Variants in ADGRL2 observed in about 807,000 individuals in gnomAD.
The protein encoded by ADGRL2 is adhesion G protein-coupled receptor L2.
Under a neutral mutation model 157.4 loss-of-function variants are expected in ADGRL2, and 44 were observed. That is an observed-to-expected ratio of 0.28 (90% CI 0.22 to 0.36). The LOEUF (loss-of-function observed/expected upper bound fraction) is 0.36, where lower values mean the gene tolerates loss of function less well. Ranked by LOEUF, ADGRL2 falls within the 10% of genes least tolerant of loss-of-function variation. The pLI, the probability that ADGRL2 is intolerant of heterozygous loss-of-function variation, is 1.00. For synonymous variants in ADGRL2, 585 were observed against 624.7 expected (o/e 0.94, Z 0.95); for missense variants, 1,510 against 1,768.9 (o/e 0.85, Z 2.63).
At chr1:81,481,569 G>T (rs1157246108) in intron 2 of ADGRL2, among the ~76,000 whole-genome samples, 3 of 152,170 alleles carry the variant, frequency 2.0e-5, no homozygotes, top group African/African-American at 7.2e-5. Context: ...AAGACCAAAA[G>T]TCGTGTTTCG....
chr1:81,353,064 A>G (rs893580380), intron 1 of ADGRL2, among the ~76,000 whole-genome samples: 2 of 152,192 alleles, frequency 1.3e-5, no homozygotes, highest in Non-Finnish European at 2.9e-5. Context: ...AGTGGGCAAT[A>G]TTCTGCATAT....
chr1:81,344,092 C>T (rs914763305), intron 1 of ADGRL2, among the ~76,000 whole-genome samples: 7 of 152,236 alleles, frequency 4.6e-5, no homozygotes, highest in African/African-American at 1.7e-4. Context: ...CTTTTTGAGA[C>T]AGAGTCTCCC....
At chr1:81,958,328 T>G (rs1278455329) in intron 11 of ADGRL2, among the ~76,000 whole-genome samples, 2 of 148,186 alleles carry the variant, frequency 1.3e-5, no homozygotes, top group African/African-American at 4.9e-5. Flanking sequence ...ATAAACAATT[T>G]TGGGGGTGGG....
intron 1 of ADGRL2, among the ~76,000 whole-genome samples, chr1:81,366,934 T>C (rs2076076969): frequency 6.6e-6 from 1 of 152,188 alleles, no homozygotes; most frequent in Non-Finnish European, 1.5e-5. Flanking sequence ...ATTCTCTTTT[T>C]ATGCTACATA....
chr1:81,572,849 T>A (rs555134450), intron 2 of ADGRL2, among the ~76,000 whole-genome samples: 1 of 151,706 alleles, frequency 6.6e-6, no homozygotes, highest in South Asian at 2.1e-4. Flanking sequence ...GCAAATATGA[T>A]TTGCAGTGTT....
intron 17 of ADGRL2, among the ~76,000 whole-genome samples, chr1:81,977,580 CTT>C (rs1171482254): frequency 6.6e-6 from 1 of 151,758 alleles, no homozygotes. Flanking sequence ...TTCTACTCCT[CTT>C]CTTTTTGCAA....
intron 8 of ADGRL2, among the ~76,000 whole-genome samples, 193 bp downstream of exon 8, chr1:81,951,314 T>C (rs1651730165): frequency 6.6e-6 from 1 of 152,192 alleles, no homozygotes; most frequent in African/African-American, 2.4e-5. Flanking sequence ...TCCTGTTCTC[T>C]ATGTTAAGCT....
At chr1:81,814,441 A>AAT (rs1368658144) in intron 1 of ADGRL2, among the ~76,000 whole-genome samples, 11 of 151,496 alleles carry the variant, frequency 7.3e-5, no homozygotes, top group African/African-American at 2.6e-4. Flanking sequence ...ATGGGAGTCA[A>AAT]ATATTTGAAC....
chr1:81,522,435 A>G lies in ADGRL2; in HGVS notation c.-247-58441A>G, dbSNP rs1005959376. The stretch of plus-strand genomic sequence containing the variant: ...AGGATTACTACATTACTAGAGGAAC[A>G]TTATAAATATAACATGTCAGTTCAA... On this transcript the variant is annotated intron_variant, in intron 2 of 24. Transcript: ENST00000370721. 4.6e-5 allele frequency among the ~76,000 whole-genome samples: 7 copies of G among 152,242 alleles called. No individual in the cohort carries two copies. In the East Asian group the frequency reaches 5.8e-4, roughly 13 times the overall value.
At chr1:81,707,414 G>A (rs567720) in intron 1 of ADGRL2, among the ~76,000 whole-genome samples, 50,531 of 151,916 alleles carry the variant, frequency 0.33, 8,409 homozygotes, top group Admixed American at 0.4. Context: ...CTTGTTTTGT[G>A]TGGCCTGCCC....
chr1:81,613,966 T>C (rs2081593173), intron 3 of ADGRL2, among the ~76,000 whole-genome samples: 1 of 152,202 alleles, frequency 6.6e-6, no homozygotes, highest in South Asian at 2.1e-4. Flanking sequence ...GTCAATTTAG[T>C]ATAATCTGTG....
rs1008742652 is a variant in ADGRL2 at position 81,993,782 on chromosome 1, A to T, written c.*2637A>T. ...TTGGGTCTGCCTAGACTTCACCTGA[A>T]TGTACAGTTTTCACATTCTTGATTG... On this transcript the variant is annotated 3_prime_UTR_variant, in exon 24 of 24. Transcript: ENST00000686636. 7.2e-5 allele frequency among the ~76,000 whole-genome samples: 11 copies of T among 152,158 alleles called. No homozygotes were observed. Among genetic ancestry groups the T allele is most frequent in the Admixed American group, 6.5e-5 (1 of 15,278 alleles).
intron 2 of ADGRL2, among the ~76,000 whole-genome samples, chr1:81,568,652 A>G (rs747351919): frequency 1.3e-5 from 2 of 152,182 alleles, no homozygotes; most frequent in Non-Finnish European, 2.9e-5. Flanking sequence ...GTTTTGTTCA[A>G]TAATCCCTTG....
At chr1:81,838,240 C>T (rs1436260203) in intron 2 of ADGRL2, among the ~76,000 whole-genome samples, 2 of 151,914 alleles carry the variant, frequency 1.3e-5, no homozygotes, top group African/African-American at 2.4e-5. Flanking sequence ...CTTGTCCCTC[C>T]AGTCCCCTAC....
intron 3 of ADGRL2, among the ~76,000 whole-genome samples, chr1:81,910,736 TA>T (rs141374980): frequency 2.5e-4 from 37 of 148,814 alleles, no homozygotes; most frequent in South Asian, 1.9e-3. Context: ...TGTCCTTTTT[TA>T]AAAAAAAAAC....
chr1:81,839,753 A>G (rs1016019958), intron 2 of ADGRL2, among the ~76,000 whole-genome samples: 4 of 147,848 alleles, frequency 2.7e-5, no homozygotes, highest in African/African-American at 9.9e-5. Context: ...ATATATATAT[A>G]TGTATTTTTT....
chr1:81,571,439 A>T (rs1336154638), intron 2 of ADGRL2, among the ~76,000 whole-genome samples: 1 of 148,598 alleles, frequency 6.7e-6, no homozygotes, highest in Non-Finnish European at 1.5e-5. Flanking sequence ...GTGTGTGTAT[A>T]TATATACACA....
At chr1:81,937,783 A>G (rs888579943) in intron 4 of ADGRL2, among the ~76,000 whole-genome samples, 8 of 151,844 alleles carry the variant, frequency 5.3e-5, no homozygotes, top group African/African-American at 1.4e-4. Context: ...AGGATTTGCC[A>G]AATAATGAAA....
intron 1 of ADGRL2, among the ~76,000 whole-genome samples, chr1:81,365,707 A>G (rs1234074247): frequency 1.3e-5 from 2 of 152,172 alleles, no homozygotes; most frequent in African/African-American, 2.4e-5. Context: ...GATGGAAACT[A>G]TATTTTACTG....
Sources: gnomAD v4.1 joint callset for allele counts (sites outside exome capture counted in the v4.1 genomes callset) on GRCh38, gnomAD v4.1.1 for gene constraint, MANE v1.5 for transcripts, NCBI Gene and HGNC (gene_info 2026-07-23, HGNC 2026-07-21) for gene names.